Variants in SPON1 observed in about 807,000 individuals in gnomAD.
SPON1 encodes the protein spondin 1.
Under a neutral mutation model 111.7 loss-of-function variants are expected in SPON1, and 52 were observed. The observed-to-expected ratio is 0.47, with a 90% CI of 0.37 to 0.59. The LOEUF (loss-of-function observed/expected upper bound fraction) is 0.59. SPON1 is among the 20% of genes least tolerant of loss of function. The probability of loss-of-function intolerance (pLI) is 0.00; values close to 1 mark genes in which losing one functional copy is unlikely to be tolerated. For missense variants in SPON1, 957 were observed against 1,068.5 expected (o/e 0.90, Z 1.46); for synonymous variants, 410 against 395.8 (o/e 1.04, Z -0.43).
chr11:14,265,403 A>G (rs1357105603), intron 15 of SPON1, 121 bp from the exon 16 acceptor site: 1 of 1,168,640 alleles, frequency 8.6e-7, no homozygotes, highest in African/African-American at 1.6e-5. Flanking sequence ...ACTCTAACCA[A>G]TCATTACATA....
chr11:14,049,541 T>C (rs1848693349), intron 3 of SPON1, among the ~76,000 whole-genome samples: 1 of 152,198 alleles, frequency 6.6e-6, no homozygotes, highest in Non-Finnish European at 1.5e-5. Context: ...AGCCTTCCAC[T>C]GCATCTCTCT....
At chr11:13,981,270 G>C (rs919030068) in intron 1 of SPON1, among the ~76,000 whole-genome samples, 2 of 152,170 alleles carry the variant, frequency 1.3e-5, no homozygotes, top group African/African-American at 4.8e-5. Context: ...GGTCCAATGG[G>C]ATGGAGGACC....
chr11:14,261,511 G>C (rs550302096), intron 14 of SPON1, among the ~76,000 whole-genome samples: 1 of 152,292 alleles, frequency 6.6e-6, no homozygotes, highest in South Asian at 2.1e-4. Context: ...TACTTCCTAG[G>C]TTGCTCTGAG....
At chr11:14,115,135 A>G (rs192471809) in intron 5 of SPON1, among the ~76,000 whole-genome samples, 93 of 152,206 alleles carry the variant, frequency 6.1e-4, no homozygotes, top group Non-Finnish European at 9.4e-4. Context: ...TACCACCCCC[A>G]TTATGGGAGA....
At chr11:14,182,777 A>G (rs1295284076) in intron 6 of SPON1, among the ~76,000 whole-genome samples, 1 of 152,136 alleles carries the variant, frequency 6.6e-6, no homozygotes. Context: ...TGCCAGGTCA[A>G]CACACTCCAG....
rs369423072 is a variant in SPON1, at chr11:14,109,604, T to G, written c.677-25816T>G. Among the ~76,000 whole-genome samples, 10 of 152,332 alleles carry G rather than the reference T, an allele frequency of 6.6e-5. No individual in the cohort carries two copies. In the East Asian group the frequency reaches 7.7e-4, roughly 12 times the overall value. On this transcript the variant is annotated intron_variant, in intron 5 of 15. Coordinates refer to ENST00000576479, the MANE Select transcript of SPON1 (RefSeq NM_006108.4). ...TATTTTTATATGTCTTTATTAATAT[T>G]TTTATGTTTCTATGCCTTATGACAT...
chr11:14,208,318 T>C (rs975794742), intron 6 of SPON1, among the ~76,000 whole-genome samples: 6 of 152,100 alleles, frequency 3.9e-5, no homozygotes, highest in African/African-American at 1.4e-4. Flanking sequence ...CAAGTTTACC[T>C]ATGTAACAAA....
At chr11:13,988,986 CAG>C (rs1848207225) in intron 2 of SPON1, among the ~76,000 whole-genome samples, 1 of 150,860 alleles carries the variant, frequency 6.6e-6, no homozygotes, top group South Asian at 2.1e-4. Flanking sequence ...CGATGTTCAT[CAG>C]AGATATTGGC....
chr11:14,074,412 A>G (rs539936071), intron 3 of SPON1, among the ~76,000 whole-genome samples: 9 of 152,314 alleles, frequency 5.9e-5, no homozygotes, highest in African/African-American at 1.9e-4. Flanking sequence ...ACACATGCAG[A>G]TCATGTGACT....
chr11:14,159,796 A>C (rs143398721), intron 6 of SPON1, among the ~76,000 whole-genome samples: 1 of 151,696 alleles, frequency 6.6e-6, no homozygotes, highest in African/African-American at 2.4e-5. Context: ...AAAGACAAAC[A>C]TCACATGTTC....
intron 4 of SPON1, among the ~76,000 whole-genome samples, chr11:14,078,328 A>G (rs1390741673): frequency 2.0e-5 from 3 of 152,158 alleles, no homozygotes; most frequent in African/African-American, 7.2e-5. Context: ...TGATAAGGCA[A>G]AGCTACCAGT....
intron 6 of SPON1, among the ~76,000 whole-genome samples, chr11:14,137,032 G>T (rs1039139866): frequency 2.0e-5 from 3 of 152,234 alleles, no homozygotes; most frequent in Admixed American, 2.0e-4. Context: ...AAAACCTTTT[G>T]TTACAAATAG....
At chr11:14,201,040 A>T (rs1554935570) in intron 6 of SPON1, among the ~76,000 whole-genome samples, 1 of 151,896 alleles carries the variant, frequency 6.6e-6, no homozygotes, top group Non-Finnish European at 1.5e-5. Context: ...AAATAGGGAT[A>T]CTAAAACTAC....
intron 5 of SPON1, among the ~76,000 whole-genome samples, chr11:14,092,292 G>A (rs1204341061): frequency 1.3e-5 from 2 of 152,184 alleles, no homozygotes; most frequent in Non-Finnish European, 2.9e-5. Context: ...ATTACAAAGG[G>A]AAGTAATGTC....
At chr11:14,080,118 C>G in intron 5 of SPON1, 97 bp downstream of exon 5, 1 of 1,433,838 alleles carries the variant, frequency 7.0e-7, no homozygotes, top group Non-Finnish European at 9.7e-7. Flanking sequence ...CAGATCTGCT[C>G]CCTAGTATTG....
chr11:13,996,705 A>ATG (rs200436190), intron 2 of SPON1, among the ~76,000 whole-genome samples: 1,625 of 151,398 alleles, frequency 0.011, 32 homozygotes, highest in African/African-American at 0.036. Context: ...AAACACACCT[A>ATG]TGTGTGTATA....
intron 5 of SPON1, among the ~76,000 whole-genome samples, chr11:14,095,312 C>T (rs1554923770): frequency 6.6e-6 from 1 of 152,044 alleles, no homozygotes; most frequent in African/African-American, 2.4e-5. Flanking sequence ...GACCATAGCC[C>T]TTCTTTCTCA....
At chr11:14,144,827 T>G (rs1383007507) in intron 6 of SPON1, among the ~76,000 whole-genome samples, 9 of 152,256 alleles carry the variant, frequency 5.9e-5, no homozygotes, top group African/African-American at 1.7e-4. Context: ...AGCAAAGACC[T>G]CTAATACTTT....
intron 6 of SPON1, among the ~76,000 whole-genome samples, chr11:14,155,260 A>G (rs2133870303): frequency 6.6e-6 from 1 of 152,200 alleles, no homozygotes; most frequent in African/African-American, 2.4e-5. Flanking sequence ...CCAGGTACCA[A>G]TTTTCTGTAT....
Sources: allele counts gnomAD v4.1 joint callset (sites outside exome capture counted in the v4.1 genomes callset), GRCh38; gene constraint gnomAD v4.1.1; transcripts MANE v1.5; gene names NCBI Gene and HGNC (gene_info 2026-07-23, HGNC 2026-07-21).